The following ST18 variants were observed in gnomAD, a reference collection of about 807,000 sequenced individuals.
ST18 encodes ST18 C2H2C-type zinc finger transcription factor.
A neutral mutation model predicts 110.0 loss-of-function variants in ST18; 50 were observed. The observed-to-expected ratio is 0.45, with a 90% confidence interval of 0.36 to 0.58. The LOEUF (loss-of-function observed/expected upper bound fraction) is 0.58, where lower values mean the gene tolerates loss of function less well. Ranked by LOEUF, ST18 falls within the 20% of genes least tolerant of loss-of-function variation. The pLI, the probability that ST18 is intolerant of heterozygous loss-of-function variation, is 0.00. For synonymous variants in ST18, 461 were observed against 452.4 expected (o/e 1.02, Z -0.24); for missense variants, 1,306 against 1,280.1 (o/e 1.02, Z -0.31).
chr8:52,148,880 G>A (rs911665291), intron 16 of ST18, among the ~76,000 whole-genome samples: 9 of 152,122 alleles, frequency 5.9e-5, no homozygotes, highest in African/African-American at 1.7e-4. Context: ...TGTAAAAGGC[G>A]CTGCACACTT....
intron 2 of ST18, among the ~76,000 whole-genome samples, chr8:52,361,494 G>A (rs1391757080): frequency 6.6e-6 from 1 of 152,144 alleles, no homozygotes; most frequent in East Asian, 1.9e-4. Context: ...TTCACTCATT[G>A]CCAATAAGCT....
chr8:52,113,103 G>T lies in ST18; in HGVS notation c.*95C>A. 2 of 1,442,918 alleles carry T rather than the reference G, an allele frequency of 1.4e-6. No individual in the cohort carries two copies. Among genetic ancestry groups the T allele is most frequent in the Non-Finnish European group, 1.8e-6 (2 of 1,082,310 alleles). 89.4% of individuals were successfully genotyped at this position (1,442,918 alleles called of 1,614,324 possible). A position where few individuals can be genotyped will look rare whatever the true frequency, so the allele number is the denominator to read the frequency against. On this transcript the variant is annotated 3_prime_UTR_variant, in exon 26 of 26. Coordinates refer to ENST00000689386, the MANE Select transcript of ST18 (RefSeq NM_001352837.2). ...TGTTGCAAATTGTAAATGCAGTACG[G>T]CAACCTCCACGCCTTAGCAGTACAT...
intron 8 of ST18, among the ~76,000 whole-genome samples, chr8:52,183,772 G>A (rs528325184): frequency 6.6e-6 from 1 of 152,080 alleles, no homozygotes; most frequent in Non-Finnish European, 1.5e-5. Context: ...TCCCTGGCAC[G>A]CTACAGAGAT....
Position 52,111,553 on chromosome 8 carries a change from C to G in ST18, c.*1645G>C, listed in dbSNP as rs1225384717. ...CCAAAGTTTCATGGGAGTGGAATTACTGTTGAGTATTGTTTTTCATTTGTG... is the reference window on the plus strand; with the variant it reads ...CCAAAGTTTCATGGGAGTGGAATTAGTGTTGAGTATTGTTTTTCATTTGTG... On this transcript the variant is annotated 3_prime_UTR_variant, in exon 26 of 26. Coordinates refer to ENST00000689386, the MANE Select transcript of ST18 (RefSeq NM_001352837.2). 2.0e-5 allele frequency: 3 copies of G among 152,620 alleles called. No individual in the cohort carries two copies. The highest frequency in any genetic ancestry group is 7.2e-5 in the African/African-American group (3 of 41,446). The allele number at this position is 152,620 out of a possible 1,614,324, so 9.5% of individuals were successfully genotyped here. A position where few individuals can be genotyped will look rare whatever the true frequency, so the allele number is the denominator to read the frequency against.
rs759084646 is a variant in ST18 at position 52,266,540 on chromosome 8, C to CTTT, written c.-464-36466_-464-36464dup. On this transcript the variant is annotated intron_variant, in intron 2 of 25. Transcript: ENST00000689386. Reference sequence around the variant, plus strand: ...GGGAAGGATCGCAGAGTTTCTGCCACTTTTTTTTTTTTTTTTTTTGAGACA... The same window carrying CTTT: ...GGGAAGGATCGCAGAGTTTCTGCCACTTTTTTTTTTTTTTTTTTTTTTGAGACA... 1.4e-3 allele frequency among the ~76,000 whole-genome samples: 189 copies of CTTT among 131,266 alleles called. 3 individuals carry two copies. Among genetic ancestry groups the CTTT allele is most frequent in the African/African-American group, 4.9e-3 (172 of 34,994 alleles). The allele number at this position is 131,266 out of a possible 152,430, so 86.1% of individuals were successfully genotyped here.
chr8:52,224,471 G>A (rs1420244920), intron 3 of ST18, among the ~76,000 whole-genome samples: 1 of 152,168 alleles, frequency 6.6e-6, no homozygotes, highest in African/African-American at 2.4e-5. Context: ...ATGAAGATAA[G>A]CACTGAATTT....
chr8:52,222,273 T>A (rs1431991577), intron 3 of ST18, among the ~76,000 whole-genome samples: 1 of 152,224 alleles, frequency 6.6e-6, no homozygotes, highest in Non-Finnish European at 1.5e-5. Context: ...GCACATCATC[T>A]GCACAATTGC....
rs554381562 is a variant in ST18, at chr8:52,305,413, C to T, written c.-464-75336G>A. On this transcript the variant is annotated intron_variant, in intron 2 of 25. Coordinates refer to ENST00000689386, the MANE Select transcript of ST18 (RefSeq NM_001352837.2). Reference sequence around the variant, plus strand: ...ATCTTCTCCTTACCCTCATTCCTGTCTTGCTGTCATTCAGTCCCAGGGCAT... The same window carrying T: ...ATCTTCTCCTTACCCTCATTCCTGTTTTGCTGTCATTCAGTCCCAGGGCAT... Among the ~76,000 whole-genome samples the T allele has an allele frequency of 9.7e-4, 148 of 152,354 alleles. 1 individual carries two copies. Among genetic ancestry groups the T allele is most frequent in the African/African-American group, 3.3e-3 (137 of 41,590 alleles).
chr8:52,163,434 T>C (rs1002328507), intron 13 of ST18, among the ~76,000 whole-genome samples: 3 of 152,208 alleles, frequency 2.0e-5, no homozygotes, highest in African/African-American at 7.2e-5. Flanking sequence ...TATTTAGATA[T>C]AAAATCTTCC....
chr8:52,366,581 G>A (rs939582285), intron 2 of ST18, among the ~76,000 whole-genome samples: 1 of 152,142 alleles, frequency 6.6e-6, no homozygotes, highest in Non-Finnish European at 1.5e-5. Flanking sequence ...GTCACACAAT[G>A]AGAGTTCACA....
intron 15 of ST18, among the ~76,000 whole-genome samples, chr8:52,155,798 G>A (rs995875631): frequency 4.6e-5 from 7 of 152,136 alleles, no homozygotes; most frequent in Admixed American, 4.6e-4. Flanking sequence ...TGCCCATTAA[G>A]CTTGGAGTCT....
intron 8 of ST18, chr8:52,210,195 C>T (rs2081672388): frequency 2.2e-6 from 1 of 455,644 alleles, no homozygotes; most frequent in Admixed American, 2.4e-5. Context: ...TTTTAAACTT[C>T]TCTTGACTAT....
At chr8:52,330,800 A>G (rs2140062847) in intron 2 of ST18, among the ~76,000 whole-genome samples, 1 of 152,358 alleles carries the variant, frequency 6.6e-6, no homozygotes, top group African/African-American at 2.4e-5. Context: ...AGGACAAGCT[A>G]GAAACGGGCT....
chr8:52,163,419 T>C (rs937830194), intron 13 of ST18, among the ~76,000 whole-genome samples: 1 of 152,198 alleles, frequency 6.6e-6, no homozygotes, highest in African/African-American at 2.4e-5. Flanking sequence ...TCATATATAC[T>C]TTAGTATTTA....
intron 2 of ST18, among the ~76,000 whole-genome samples, chr8:52,251,401 T>C (rs1001609342): frequency 6.6e-6 from 1 of 152,084 alleles, no homozygotes; most frequent in Admixed American, 6.6e-5. Context: ...TAAGCATAGG[T>C]ATACACACTG....
intron 2 of ST18, chr8:52,313,200 TCTGCTCC>T (rs1327668133): frequency 1.3e-5 from 2 of 152,750 alleles, no homozygotes; most frequent in African/African-American, 4.8e-5. Flanking sequence ...TTCATGATTT[TCTGCTCC>T]CTGATAAGGA....
chr8:52,357,217 A>G (rs1823148034), intron 2 of ST18, among the ~76,000 whole-genome samples: 1 of 152,130 alleles, frequency 6.6e-6, no homozygotes, highest in African/African-American at 2.4e-5. Flanking sequence ...TTGTGTTACA[A>G]GCAATGTAAT....
At chr8:52,360,382 A>G (rs1429571451) in intron 2 of ST18, among the ~76,000 whole-genome samples, 7 of 152,164 alleles carry the variant, frequency 4.6e-5, no homozygotes, top group Non-Finnish European at 7.4e-5. Context: ...ATATAAATAT[A>G]CTGTGAGGTA....
intron 2 of ST18, among the ~76,000 whole-genome samples, chr8:52,373,938 C>A (rs574953911): frequency 6.6e-6 from 1 of 152,214 alleles, no homozygotes; most frequent in Admixed American, 6.5e-5. Flanking sequence ...CAACATCCTC[C>A]TGGGGTGTGC....
Sources: gnomAD v4.1 joint callset for allele counts (sites outside exome capture counted in the v4.1 genomes callset) on GRCh38, gnomAD v4.1.1 for gene constraint, MANE v1.5 for transcripts, NCBI Gene and HGNC (gene_info 2026-07-23, HGNC 2026-07-21) for gene names.